The following CNTN3 variants were observed in gnomAD, a reference collection of about 807,000 sequenced individuals.
CNTN3 encodes the protein contactin-3.
In CNTN3, 60 loss-of-function variants were observed where a neutral mutation model predicts 119.1. That is an observed-to-expected ratio of 0.50 (90% CI 0.41 to 0.62). The LOEUF is 0.62. Ranked by LOEUF, CNTN3 falls within the 20% of genes least tolerant of loss-of-function variation. CNTN3 has a pLI of 0.00. For missense variants in CNTN3, 1,101 were observed against 1,242.4 expected, an observed-to-expected ratio of 0.89 and a Z score of 1.71; for synonymous variants, 450 against 438.7, an observed-to-expected ratio of 1.03 and a Z score of -0.32.
chr3:74,461,395 A>T lies in CNTN3; in HGVS notation c.358+25061T>A, dbSNP rs186365221. ...AAAATAGGTTAATTGCATCTCTGTA[A>T]TGTCTTTTAACTTGTTCTTCTATCC... On this transcript the variant is annotated intron_variant, in intron 4 of 22. Transcript: ENST00000263665. 3.2e-4 allele frequency among the ~76,000 whole-genome samples: 49 copies of T among 152,130 alleles called. 1 individual carries two copies. Among genetic ancestry groups the T allele is most frequent in the African/African-American group, 1.1e-3 (44 of 41,546 alleles).
At chr3:74,447,898 T>C (rs1702077745) in intron 4 of CNTN3, among the ~76,000 whole-genome samples, 1 of 152,166 alleles carries the variant, frequency 6.6e-6, no homozygotes, top group Non-Finnish European at 1.5e-5. Flanking sequence ...AATAGGTCAA[T>C]GTTTTTCAGC....
At chr3:74,303,510 T>C (rs951750921) in intron 13 of CNTN3, among the ~76,000 whole-genome samples, 4 of 152,110 alleles carry the variant, frequency 2.6e-5, no homozygotes, top group African/African-American at 7.2e-5. Flanking sequence ...CCGGCCAATA[T>C]GGTGAAACCC....
intron 4 of CNTN3, among the ~76,000 whole-genome samples, chr3:74,445,091 C>T (rs1264149706): frequency 6.6e-6 from 1 of 152,120 alleles, no homozygotes; most frequent in Non-Finnish European, 1.5e-5. Flanking sequence ...CACTGAATAT[C>T]TGTCTTTCAG....
chr3:74,317,489 C>G (rs1575720958), intron 13 of CNTN3, among the ~76,000 whole-genome samples: 1 of 152,148 alleles, frequency 6.6e-6, no homozygotes, highest in Non-Finnish European at 1.5e-5. Flanking sequence ...TTGTTCCTTT[C>G]CATGTTTAGT....
intron 1 of CNTN3, among the ~76,000 whole-genome samples, chr3:74,550,641 C>T (rs1338975068): frequency 3.3e-5 from 5 of 152,112 alleles, no homozygotes; most frequent in African/African-American, 1.2e-4. Context: ...TCAACTCAAG[C>T]CATCCTTCTG....
chr3:74,316,937 A>T (rs1702844909), intron 13 of CNTN3, among the ~76,000 whole-genome samples: 1 of 151,948 alleles, frequency 6.6e-6, no homozygotes, highest in Admixed American at 6.6e-5. Context: ...CAAAAAAAAA[A>T]AAAAAGTCTC....
intron 4 of CNTN3, among the ~76,000 whole-genome samples, chr3:74,450,163 G>C (rs991161532): frequency 6.6e-6 from 1 of 151,948 alleles, no homozygotes; most frequent in South Asian, 2.1e-4. Context: ...TTCTTTAGTA[G>C]GAAAGAATTT....
At chr3:74,406,555 T>G (rs902029403) in intron 5 of CNTN3, among the ~76,000 whole-genome samples, 5 of 152,046 alleles carry the variant, frequency 3.3e-5, no homozygotes, top group African/African-American at 4.8e-5. Flanking sequence ...TTTTTTAAAT[T>G]ATCTTCAAGA....
chr3:74,473,277 C>A (rs183338654), intron 4 of CNTN3, among the ~76,000 whole-genome samples: 4 of 151,596 alleles, frequency 2.6e-5, no homozygotes, highest in Non-Finnish European at 5.9e-5. Context: ...GGGGTAGACT[C>A]CTTCGTAATC....
intron 4 of CNTN3, among the ~76,000 whole-genome samples, chr3:74,434,020 T>A (rs926980268): frequency 6.6e-6 from 1 of 152,226 alleles, no homozygotes; most frequent in African/African-American, 2.4e-5. Flanking sequence ...CTCATTTTCC[T>A]TAGGATCTCC....
At chr3:74,369,143 A>C (rs201593852) in intron 8 of CNTN3, 46 bp downstream of exon 8, 1 of 1,415,756 alleles carries the variant, frequency 7.1e-7, no homozygotes, top group East Asian at 2.5e-5. Flanking sequence ...TTTATAGATG[A>C]GAAAGTAAAA....
intron 4 of CNTN3, among the ~76,000 whole-genome samples, chr3:74,463,072 G>T (rs891214560): frequency 9.9e-5 from 15 of 152,056 alleles, no homozygotes; most frequent in Non-Finnish European, 2.2e-4. Context: ...CTTAGAACTT[G>T]CTCATTAAAG....
intron 13 of CNTN3, 86 bp from the exon 14 acceptor site, chr3:74,302,893 T>C (rs1407007015): frequency 8.8e-6 from 7 of 795,360 alleles, no homozygotes; most frequent in Middle Eastern, 2.4e-4. Context: ...AACAACAACA[T>C]TGCAATGAAA....
Position 74,470,380 on chromosome 3 carries a change from C to T in CNTN3, c.358+16076G>A, listed in dbSNP as rs150200245. Among the ~76,000 whole-genome samples the T allele has an allele frequency of 1.7e-4, 26 of 151,918 alleles. No individual in the cohort carries two copies. The East Asian group carries it at 4.4e-3, about 26-fold the overall frequency. The stretch of plus-strand genomic sequence containing the variant: ...TGTTATTTAAAAATAGTATCTGAAT[C>T]TGTCCTTCTCCATTCCAGCTCACCA... On this transcript the variant is annotated intron_variant, in intron 4 of 22. Coordinates refer to ENST00000263665, the MANE Select transcript of CNTN3 (RefSeq NM_020872.3).
chr3:74,442,146 T>TACACAC lies in CNTN3; in HGVS notation c.359-17212_359-17207dup, dbSNP rs567314995. ...AAACAAACAGGTAAGTGCATGCAAGTACACACACACACACACACACACACA... is the reference window on the plus strand; with the variant it reads ...AAACAAACAGGTAAGTGCATGCAAGTACACACACACACACACACACACACACACACA... On this transcript the variant is annotated intron_variant, in intron 4 of 22. Transcript: ENST00000263665. Among the ~76,000 whole-genome samples, 819 of 123,998 alleles carry TACACAC rather than the reference T, an allele frequency of 6.6e-3. 14 individuals are homozygous for TACACAC. Among genetic ancestry groups the TACACAC allele is most frequent in the African/African-American group, 0.021 (747 of 35,690 alleles). The allele number at this position is 123,998 out of a possible 152,430, so 81.3% of individuals were successfully genotyped here. A position where few individuals can be genotyped will look rare whatever the true frequency, so the allele number is the denominator to read the frequency against.
chr3:74,325,651 G>C (rs957185517), intron 13 of CNTN3, among the ~76,000 whole-genome samples: 1 of 152,144 alleles, frequency 6.6e-6, no homozygotes, highest in Non-Finnish European at 1.5e-5. Context: ...GCTGGCAGTA[G>C]TAATGACCCA....
At chr3:74,594,479 T>C (rs1360361097) in intron 1 of CNTN3, among the ~76,000 whole-genome samples, 7 of 151,782 alleles carry the variant, frequency 4.6e-5, no homozygotes, top group Admixed American at 6.6e-5. Context: ...GAGTGTGATG[T>C]TCCCCTTCCT....
intron 1 of CNTN3, among the ~76,000 whole-genome samples, chr3:74,591,536 A>G (rs1190477688): frequency 6.6e-6 from 1 of 151,892 alleles, no homozygotes; most frequent in East Asian, 1.9e-4. Context: ...GAGAGACCAG[A>G]GAGGCAGCAG....
At chr3:74,413,936 TAAC>T (rs1428535900) in intron 5 of CNTN3, among the ~76,000 whole-genome samples, 1 of 151,930 alleles carries the variant, frequency 6.6e-6, no homozygotes, top group East Asian at 1.9e-4. Flanking sequence ...AGACACACAA[TAAC>T]AACAATAACA....
Sources: allele counts gnomAD v4.1 joint callset (sites outside exome capture counted in the v4.1 genomes callset), GRCh38; gene constraint gnomAD v4.1.1; transcripts MANE v1.5; gene names NCBI Gene and HGNC (gene_info 2026-07-23, HGNC 2026-07-21).